BAIAP2L1: variants seen among roughly 807,000 people sequenced by gnomAD.
BAIAP2L1 encodes BAR/IMD domain containing adaptor protein 2 like 1, also known as BAR/IMD domain-containing adapter protein 2-like 1.
A neutral mutation model predicts 66.3 loss-of-function variants in BAIAP2L1; 35 were observed. The observed-to-expected ratio is 0.53, with a 90% CI of 0.40 to 0.70. The LOEUF is 0.70. Among genes scored for constraint, BAIAP2L1 ranks in the 30% least tolerant of loss-of-function variants. BAIAP2L1 has a pLI of 0.00. For synonymous variants in BAIAP2L1, 269 were observed against 248.7 expected, an observed-to-expected ratio of 1.08 and a Z score of -0.77; for missense variants, 622 against 656.9, an observed-to-expected ratio of 0.95 and a Z score of 0.58.
intron 2 of BAIAP2L1, among the ~76,000 whole-genome samples, chr7:98,360,214 C>T (rs775543678): frequency 2.0e-5 from 3 of 152,102 alleles, no homozygotes; most frequent in Non-Finnish European, 4.4e-5. Context: ...TGAACCACCG[C>T]GCCTGGCCTG....
intron 3 of BAIAP2L1, among the ~76,000 whole-genome samples, chr7:98,350,715 T>TAAGGCCCCCTACCCC (rs1388756599): frequency 6.6e-6 from 1 of 152,066 alleles, no homozygotes; most frequent in African/African-American, 2.4e-5. Context: ...ACAGCTACCC[T>TAAGGCCCCCTACCCC]AAGGCCCCCT....
intron 3 of BAIAP2L1, among the ~76,000 whole-genome samples, chr7:98,342,097 G>A (rs1801755876): frequency 7.3e-6 from 1 of 136,892 alleles, no homozygotes; most frequent in Admixed American, 8.2e-5. Context: ...TGTCATCCAG[G>A]CTGGAGTGCA....
intron 12 of BAIAP2L1, among the ~76,000 whole-genome samples, chr7:98,301,288 G>A (rs775876500): frequency 7.9e-5 from 12 of 152,148 alleles, no homozygotes; most frequent in Non-Finnish European, 1.2e-4. Flanking sequence ...CGATTTCAGT[G>A]ATCATGAAGT....
At chr7:98,332,003 C>T (rs1379786992) in intron 3 of BAIAP2L1, among the ~76,000 whole-genome samples, 1 of 152,040 alleles carries the variant, frequency 6.6e-6, no homozygotes, top group East Asian at 1.9e-4. Context: ...GGATTGGTTA[C>T]CAGTAGGTCT....
chr7:98,377,726 G>A (rs1398558391), intron 1 of BAIAP2L1, among the ~76,000 whole-genome samples: 1 of 145,504 alleles, frequency 6.9e-6, no homozygotes, highest in Admixed American at 7.2e-5. Context: ...GCTGAGGCAG[G>A]AGAATCACTT....
intron 1 of BAIAP2L1, among the ~76,000 whole-genome samples, chr7:98,369,207 C>G (rs551677183): frequency 6.6e-5 from 10 of 152,144 alleles, no homozygotes; most frequent in African/African-American, 1.9e-4. Flanking sequence ...ACAGGCCATG[C>G]GTGGTGACTC....
At chr7:98,328,957 T>C (rs987526561) in intron 3 of BAIAP2L1, among the ~76,000 whole-genome samples, 1 of 152,110 alleles carries the variant, frequency 6.6e-6, no homozygotes, top group African/African-American at 2.4e-5. Context: ...ACCTGTAGAG[T>C]ATACTTTATT....
At chr7:98,304,068 C>A in intron 12 of BAIAP2L1, 128 bp downstream of exon 12, 1 of 1,005,118 alleles carries the variant, frequency 9.9e-7, no homozygotes, top group South Asian at 2.1e-5. Context: ...CCCCTCCTCC[C>A]TCCTCCCCGG....
intron 6 of BAIAP2L1, among the ~76,000 whole-genome samples, chr7:98,315,890 C>T (rs1405482845): frequency 1.3e-5 from 2 of 152,164 alleles, no homozygotes; most frequent in South Asian, 4.1e-4. Context: ...GAGATATGAT[C>T]GTGTCCTACT....
At chr7:98,360,270 T>G (rs545922799) in intron 2 of BAIAP2L1, among the ~76,000 whole-genome samples, 1 of 151,810 alleles carries the variant, frequency 6.6e-6, no homozygotes, top group Non-Finnish European at 1.5e-5. Context: ...CTCGAATTCC[T>G]GGGCTAAAGC....
At chr7:98,368,482 G>A (rs1043708031) in intron 1 of BAIAP2L1, among the ~76,000 whole-genome samples, 2 of 152,070 alleles carry the variant, frequency 1.3e-5, no homozygotes, top group Non-Finnish European at 2.9e-5. Context: ...CACAAGGTCA[G>A]AAGATCGACA....
chr7:98,398,212 A>T (rs1803263121), intron 1 of BAIAP2L1, among the ~76,000 whole-genome samples: 1 of 151,834 alleles, frequency 6.6e-6, no homozygotes, highest in African/African-American at 2.4e-5. Context: ...TATAGAGGAC[A>T]TCTCTTCTTA....
At chr7:98,355,013 G>A in intron 3 of BAIAP2L1, 29 bp downstream of exon 3, 2 of 1,523,972 alleles carry the variant, frequency 1.3e-6, no homozygotes, top group Non-Finnish European at 1.8e-6. Context: ...GACAAGTGGG[G>A]TTTATGTATA....
intron 1 of BAIAP2L1, among the ~76,000 whole-genome samples, chr7:98,396,911 G>T (rs887118832): frequency 1.3e-5 from 2 of 152,194 alleles, no homozygotes; most frequent in African/African-American, 4.8e-5. Flanking sequence ...CCTAGCAAAG[G>T]ACAGGTGCTT....
chr7:98,375,287 G>A (rs929389649), intron 1 of BAIAP2L1, among the ~76,000 whole-genome samples: 17 of 151,826 alleles, frequency 1.1e-4, no homozygotes, highest in African/African-American at 3.9e-4. Flanking sequence ...CCAGCTACTC[G>A]GGAGGCTGAA....
At chr7:98,299,945 G>A (rs1800353236) in intron 12 of BAIAP2L1, among the ~76,000 whole-genome samples, 1 of 152,160 alleles carries the variant, frequency 6.6e-6, no homozygotes, top group Admixed American at 6.6e-5. Context: ...GGAGGCTGAG[G>A]CGGGAGAATT....
intron 8 of BAIAP2L1, 112 bp downstream of exon 8, chr7:98,311,985 G>T: frequency 9.0e-7 from 1 of 1,111,834 alleles, no homozygotes; most frequent in Non-Finnish European, 1.3e-6. Flanking sequence ...CGAAAAGGTG[G>T]TCCTGGAAGT....
At chr7:98,308,349 G>T in intron 9 of BAIAP2L1, 1 of 450,658 alleles carries the variant, frequency 2.2e-6, no homozygotes, top group Non-Finnish European at 4.5e-6. Context: ...AGTTGGTCTT[G>T]CCATGCTGGC....
chr7:98,320,372 G>A, intron 3 of BAIAP2L1, 74 bp from the exon 4 acceptor site: 1 of 1,208,388 alleles, frequency 8.3e-7, no homozygotes, highest in Non-Finnish European at 1.2e-6. Context: ...TTTTTGCTCT[G>A]TCGCCCAGGC....
Sources: allele counts gnomAD v4.1 joint callset (sites outside exome capture counted in the v4.1 genomes callset), GRCh38; gene constraint gnomAD v4.1.1; transcripts MANE v1.5; gene names NCBI Gene and HGNC (gene_info 2026-07-23, HGNC 2026-07-21).